Variants in NDUFB5 observed in about 807,000 individuals in gnomAD.
The protein encoded by NDUFB5 is NADH:ubiquinone oxidoreductase subunit B5.
Under a neutral mutation model 19.4 loss-of-function variants are expected in NDUFB5, and 19 were observed. The observed-to-expected ratio is 0.98, with a 90% CI of 0.68 to 1.43. The LOEUF is 1.43. Ranked by LOEUF, NDUFB5 falls within the 40% of genes most tolerant of loss-of-function variation. The probability of loss-of-function intolerance (pLI) is 0.00; values close to 1 mark genes in which losing one functional copy is unlikely to be tolerated. For missense variants in NDUFB5, 233 were observed against 236.5 expected (o/e 0.99, Z 0.10); for synonymous variants, 80 against 82.6 (o/e 0.97, Z 0.17).
Position 179,604,894 on chromosome 3 carries a change from C to G in NDUFB5, c.79C>G (p.Leu27Val). The G allele has an allele frequency of 6.3e-7, 1 of 1,595,222 alleles. No homozygotes were observed. The highest frequency in any genetic ancestry group is 8.5e-7 in the Non-Finnish European group (1 of 1,174,836). ...GTCTGGCCGGCCCCTTGGCACTCGC[C>G]TCGGATTTGGGGGCTTCCTCACTCG... The part of the protein sequence containing the change: ...ALSGRPLGTR[L>V]GFGGFLTRGF... The change falls in exon 1 of 6, where the codon CTC becomes GTC. Residue 27 changes from leucine (L) to valine (V), a missense_variant. Physicochemically the swap from Leu to Val is conservative, Grantham distance 32 (BLOSUM62 1). Transcript: ENST00000259037.
rs1719643750 is a variant in NDUFB5 at position 179,625,387 on chromosome 3, GTGAAT to G, written c.*1352_*1356del. On this transcript the variant is annotated 3_prime_UTR_variant, in exon 6 of 6. Coordinates refer to ENST00000259037, the MANE Select transcript of NDUFB5 (RefSeq NM_002492.4). ...AATTTTTTGCTGCCTAAACACACAAGTGAATTGAAAAGCCACAGGCCATTCATTCA... is the reference window on the plus strand; with the variant it reads ...AATTTTTTGCTGCCTAAACACACAAGTGAAAAGCCACAGGCCATTCATTCA... The G allele has an allele frequency of 6.6e-6, 1 of 152,180 alleles. No homozygotes were observed. The highest frequency in any genetic ancestry group is 2.1e-4 in the South Asian group (1 of 4,818). The allele number at this position is 152,180 out of a possible 1,614,324, so 9.4% of individuals were successfully genotyped here.
At position 179,614,953 on chromosome 3, in the gene NDUFB5, G is replaced by A. The variant is rs1410222420; in HGVS notation, c.125-18G>A. The A allele has an allele frequency of 6.4e-7, 1 of 1,556,206 alleles. No homozygotes were observed. On this transcript the variant is annotated intron_variant, in intron 1 of 5. Transcript: ENST00000259037. ...CCATATGAACCTTGTATAAAACAGG[G>A]TAATTCAATATTCCCAGCTCCTGTT...
At position 179,624,743 on chromosome 3, in the gene NDUFB5, G is replaced by A. The variant is rs983293613; in HGVS notation, c.*703G>A. 2 of 147,866 alleles carry A rather than the reference G, an allele frequency of 1.4e-5. No homozygotes were observed. The highest frequency in any genetic ancestry group is 1.4e-4 in the Admixed American group (2 of 14,774). The allele number at this position is 147,866 out of a possible 1,614,324, so 9.2% of individuals were successfully genotyped here. On this transcript the variant is annotated 3_prime_UTR_variant, in exon 6 of 6. Transcript: ENST00000259037. ...ATGACTCATTTATTAAGCATTTATT[G>A]TCTGCTAGACACTATATTAAATAAC... is the stretch of plus-strand genomic sequence containing the variant.
At chr3:179,621,303 C>A (rs558827638) in intron 5 of NDUFB5, among the ~76,000 whole-genome samples, 90 of 152,178 alleles carry the variant, frequency 5.9e-4, no homozygotes, top group African/African-American at 2.2e-3. Context: ...CTCTCAAACA[C>A]CTGGGTTCAA....
In NDUFB5 at chr3:179,626,230, G is replaced by A. The variant is rs1011655801; in HGVS notation, c.*2190G>A. 3.3e-5 allele frequency: 5 copies of A among 151,892 alleles called. No homozygotes were observed. The highest frequency in any genetic ancestry group is 1.9e-4 in the East Asian group (1 of 5,172). The allele number at this position is 151,892 out of a possible 1,614,324, so 9.4% of individuals were successfully genotyped here. On this transcript the variant is annotated 3_prime_UTR_variant, in exon 6 of 6. Coordinates refer to ENST00000259037, the MANE Select transcript of NDUFB5 (RefSeq NM_002492.4). ...TGGCCATTCATATGTCTTCCTTTGA[G>A]AAATGTCTATACAGATCTCTGGCCC...
At chr3:179,606,500 G>A (rs576432326) in intron 1 of NDUFB5, among the ~76,000 whole-genome samples, 21 of 151,822 alleles carry the variant, frequency 1.4e-4, no homozygotes, top group Non-Finnish European at 2.8e-4. Context: ...CTCCATGCCC[G>A]GCTAATTTTA....
chr3:179,604,879 C>T lies in NDUFB5; in HGVS notation c.64C>T (p.Pro22Ser), dbSNP rs750232545. 2 of 1,595,316 alleles carry T rather than the reference C, an allele frequency of 1.3e-6. No individual in the cohort carries two copies. Among genetic ancestry groups the T allele is most frequent in the Non-Finnish European group, 1.7e-6 (2 of 1,175,014 alleles). Residue 22 changes from proline to serine, a missense_variant, in exon 1 of 6, where the codon CCC becomes TCC. Pro to Ser is a moderately conservative substitution (Grantham distance 74). Coordinates refer to ENST00000259037, the MANE Select transcript of NDUFB5 (RefSeq NM_002492.4). Reference protein sequence around the residue: ...VTAVAALSGRPLGTRLGFGGF... With the variant: ...VTAVAALSGRSLGTRLGFGGF... ...TGCGGTGGCAGCTCTGTCTGGCCGG[C>T]CCCTTGGCACTCGCCTCGGATTTGG...
intron 4 of NDUFB5, among the ~76,000 whole-genome samples, chr3:179,617,952 C>T (rs958744182): frequency 6.6e-6 from 1 of 152,132 alleles, no homozygotes; most frequent in African/African-American, 2.4e-5. Flanking sequence ...TGGAGTATAT[C>T]CCATCATGTT....
chr3:179,613,450 A>C (rs780650878), intron 1 of NDUFB5, among the ~76,000 whole-genome samples: 1 of 152,088 alleles, frequency 6.6e-6, no homozygotes, highest in East Asian at 1.9e-4. Context: ...TATTTCTCCC[A>C]GCAAGATCTA....
At position 179,615,038 on chromosome 3, in the gene NDUFB5, CAG is replaced by C. The variant is rs1446981656; in HGVS notation, c.193_194del (p.Arg65AlafsTer32). ...TCATCAGACCTTCTAGATTCTATGA[CAG>C]GCGTTTTTTGAAGTTATTGGTAAGT... ...FVIRPSRFYDRRFLKLLRFYI... is the reference protein window; with the variant it reads ...FVIRPSRFYDXRFLKLLRFYI... On this transcript the variant is annotated frameshift_variant, in exon 2 of 6. Transcript: ENST00000259037. LOFTEE classifies it high-confidence loss of function. 9 of 1,606,466 alleles carry C rather than the reference CAG, an allele frequency of 5.6e-6. No homozygotes were observed. Among genetic ancestry groups the C allele is most frequent in the Non-Finnish European group, 7.7e-6 (9 of 1,175,250 alleles).
chr3:179,606,313 C>T (rs936094260), intron 1 of NDUFB5, among the ~76,000 whole-genome samples: 5 of 152,108 alleles, frequency 3.3e-5, no homozygotes, highest in Admixed American at 2.6e-4. Flanking sequence ...ATTTACTGAG[C>T]ACCTGTTACG....
chr3:179,615,266 T>C (rs1719347750), intron 2 of NDUFB5: 1 of 353,212 alleles, frequency 2.8e-6, no homozygotes, highest in African/African-American at 2.1e-5. Flanking sequence ...ACAAAAGGAT[T>C]TACACTAAAT....
rs1013156424 is a variant in NDUFB5, at chr3:179,614,979, C to T, written c.133C>T (p.Arg45Ter). Residue 45 changes from arginine to a stop codon, truncating the protein, a stop_gained, in exon 2 of 6, where the codon CGA becomes TGA. Transcript: ENST00000259037. LOFTEE classifies it high-confidence loss of function. ...TAATTCAATATTCCCAGCTCCTGTT[C>T]GACACAGTGGAGACCATGGGAAAAG... ...RGFPKAAAPV[R>*]HSGDHGKRLF... 1 of 1,604,834 alleles carries T rather than the reference C, an allele frequency of 6.2e-7. No individual in the cohort carries two copies. Among genetic ancestry groups the T allele is most frequent in the South Asian group, 1.1e-5 (1 of 89,840 alleles).
intron 5 of NDUFB5, among the ~76,000 whole-genome samples, chr3:179,622,109 A>G (rs772798315): frequency 6.6e-5 from 10 of 152,210 alleles, no homozygotes; most frequent in Non-Finnish European, 1.5e-4. Context: ...CTGGGACCAC[A>G]GGTGCTGGCC....
rs13067375 is a variant in NDUFB5 at position 179,619,349 on chromosome 3, C to A, written c.449+828C>A. On this transcript the variant is annotated intron_variant, in intron 5 of 5. Coordinates refer to ENST00000259037, the MANE Select transcript of NDUFB5 (RefSeq NM_002492.4). ...ATATCTCCTAATGCTATCCCTCCCC[C>A]CTCCACCCACCCCACAACAGGCCCC... Among the ~76,000 whole-genome samples the A allele has an allele frequency of 2.1e-3, 324 of 151,864 alleles. 1 individual carries two copies. Among genetic ancestry groups the A allele is most frequent in the Admixed American group, 4.2e-3 (64 of 15,262 alleles).
chr3:179,606,786 T>C (rs1719114195), intron 1 of NDUFB5, among the ~76,000 whole-genome samples: 2 of 152,206 alleles, frequency 1.3e-5, no homozygotes, highest in Non-Finnish European at 2.9e-5. Context: ...CCTCAAAATA[T>C]CTTGTTCTCT....
In NDUFB5 at chr3:179,627,627, T is replaced by C. The variant is rs1048353173; in HGVS notation, c.*3587T>C. 1.3e-5 allele frequency: 2 copies of C among 152,128 alleles called. No individual in the cohort carries two copies. Among genetic ancestry groups the C allele is most frequent in the African/African-American group, 4.8e-5 (2 of 41,416 alleles). The allele number at this position is 152,128 out of a possible 1,614,324, so 9.4% of individuals were successfully genotyped here. ...TGACTGGGCCGGAGCACCTAAATAA[T>C]AAATATTCTCCTGAACCCCATCGGT... is the stretch of plus-strand genomic sequence containing the variant. On this transcript the variant is annotated 3_prime_UTR_variant, in exon 6 of 6. Coordinates refer to ENST00000259037, the MANE Select transcript of NDUFB5 (RefSeq NM_002492.4).
intron 4 of NDUFB5, among the ~76,000 whole-genome samples, chr3:179,617,814 C>G (rs923187906): frequency 6.6e-6 from 1 of 152,156 alleles, no homozygotes; most frequent in Non-Finnish European, 1.5e-5. Flanking sequence ...GATGGGGTCA[C>G]TATTTCAACC....
chr3:179,616,674 T>C (rs1719387568), intron 3 of NDUFB5, among the ~76,000 whole-genome samples: 1 of 152,182 alleles, frequency 6.6e-6, no homozygotes, highest in African/African-American at 2.4e-5. Flanking sequence ...GTATCATAGG[T>C]ATAGGGAAGA....
Sources: allele counts gnomAD v4.1 joint callset (sites outside exome capture counted in the v4.1 genomes callset), GRCh38; gene constraint gnomAD v4.1.1; transcripts MANE v1.5; gene names NCBI Gene and HGNC (gene_info 2026-07-23, HGNC 2026-07-21).